Variants in IPO13 observed in about 807,000 individuals in gnomAD.
IPO13 encodes importin-13.
IPO13 carries 28 observed loss-of-function variants against 115.5 expected under a neutral mutation model. That is an observed-to-expected ratio of 0.24 (90% confidence interval 0.18 to 0.33). The LOEUF (loss-of-function observed/expected upper bound fraction) is 0.33, where lower values mean the gene tolerates loss of function less well. Ranked by LOEUF, IPO13 falls within the 10% of genes least tolerant of loss-of-function variation. The pLI, the probability that IPO13 is intolerant of heterozygous loss-of-function variation, is 1.00. For synonymous variants in IPO13, 414 were observed against 478.9 expected (o/e 0.86, Z 1.77); for missense variants, 785 against 1,204.6 (o/e 0.65, Z 5.16).
At chr1:43,955,509 C>A (rs1271053596) in intron 2 of IPO13, among the ~76,000 whole-genome samples, 1 of 152,192 alleles carries the variant, frequency 6.6e-6, no homozygotes, top group Non-Finnish European at 1.5e-5. Flanking sequence ...CCGTCCTTGC[C>A]TCTTCCTAGC....
chr1:43,947,864 T>A (rs1040747775), intron 1 of IPO13, among the ~76,000 whole-genome samples, 180 bp downstream of exon 1: 1 of 152,220 alleles, frequency 6.6e-6, no homozygotes, highest in African/African-American at 2.4e-5. Flanking sequence ...TTTTTGTCTT[T>A]CCTTACAGGC....
intron 2 of IPO13, chr1:43,953,178 T>C (rs1222027835): frequency 2.0e-5 from 3 of 152,234 alleles, no homozygotes; most frequent in Admixed American, 6.5e-5. Flanking sequence ...CCTTGGTTGC[T>C]TAGCAACTCT....
Position 43,966,307 on chromosome 1 carries a change from AC to A in IPO13, c.2398-267del. The A allele has an allele frequency of 1.8e-6, 1 of 560,034 alleles. No homozygotes were observed. The highest frequency in any genetic ancestry group is 3.2e-6 in the Non-Finnish European group (1 of 311,264). 34.7% of individuals were successfully genotyped at this position (560,034 alleles called of 1,614,324 possible). On this transcript the variant is annotated intron_variant, in intron 15 of 19. Transcript: ENST00000372343. The surrounding 1 kb of genome is among the most constrained non-coding windows in gnomAD (Gnocchi z 4.1). ...GGAGGGAAAGGTGTCTGGAACCCAA[AC>A]TTTCTGCATTATGATCCCCACCCCC... is the stretch of plus-strand genomic sequence containing the variant.
In IPO13 at chr1:43,966,409, C is replaced by T; in HGVS notation, c.2398-166C>T. 1.5e-6 allele frequency: 1 copy of T among 678,980 alleles called. No homozygotes were observed. Among genetic ancestry groups the T allele is most frequent in the Non-Finnish European group, 2.7e-6 (1 of 375,846 alleles). 42.1% of individuals were successfully genotyped at this position (678,980 alleles called of 1,614,324 possible). A position where few individuals can be genotyped will look rare whatever the true frequency, so the allele number is the denominator to read the frequency against. ...CATCCCTTGAGCTGTCCTCACCTGA[C>T]CTACTGAACTCTGAGGTGGTCCGGG... On this transcript the variant is annotated intron_variant, in intron 15 of 19. Coordinates refer to ENST00000372343, the MANE Select transcript of IPO13 (RefSeq NM_014652.4). This position sits in a 1 kb window ranked among gnomAD's most constrained non-coding sequence, Gnocchi z 4.1.
Position 43,966,292 on chromosome 1 carries a change from G to C in IPO13, c.2398-283G>C, listed in dbSNP as rs1443635515. 2 of 541,306 alleles carry C rather than the reference G, an allele frequency of 3.7e-6. No individual in the cohort carries two copies. Among genetic ancestry groups the C allele is most frequent in the East Asian group, 3.2e-5 (1 of 31,382 alleles). The allele number at this position is 541,306 out of a possible 1,614,324, so 33.5% of individuals were successfully genotyped here. A position where few individuals can be genotyped will look rare whatever the true frequency, so the allele number is the denominator to read the frequency against. ...GGCCCTGATGGAGGGGGAGGGAAAG[G>C]TGTCTGGAACCCAAACTTTCTGCAT... On this transcript the variant is annotated intron_variant, in intron 15 of 19. Transcript: ENST00000372343. The surrounding 1 kb of genome is among the most constrained non-coding windows in gnomAD (Gnocchi z 4.1).
At chr1:43,957,680 C>A in intron 7 of IPO13, 131 bp downstream of exon 7, 1 of 1,165,018 alleles carries the variant, frequency 8.6e-7, no homozygotes, top group Non-Finnish European at 1.2e-6. Flanking sequence ...TTGTAACAAA[C>A]TGACTGTCCT....
At position 43,966,079 on chromosome 1, in the gene IPO13, T is replaced by C. The variant is rs756184140; in HGVS notation, c.2398-496T>C. ...GGCTCCTGCTGTACTTTTCTTCTTT[T>C]TGAGCAGGAGCTGGAGGGTGCCTCA... On this transcript the variant is annotated intron_variant, in intron 15 of 19. Coordinates refer to ENST00000372343, the MANE Select transcript of IPO13 (RefSeq NM_014652.4). The surrounding 1 kb of genome is among the most constrained non-coding windows in gnomAD (Gnocchi z 4.1). 1.5e-5 allele frequency: 3 copies of C among 193,566 alleles called. No individual in the cohort carries two copies. Among genetic ancestry groups the C allele is most frequent in the Non-Finnish European group, 3.3e-5 (3 of 91,560 alleles). The allele number at this position is 193,566 out of a possible 1,614,324, so 12.0% of individuals were successfully genotyped here. A position where few individuals can be genotyped will look rare whatever the true frequency, so the allele number is the denominator to read the frequency against.
chr1:43,956,482 G>A lies in IPO13; in HGVS notation c.962+22G>A, dbSNP rs552926041. The A allele has an allele frequency of 1.2e-6, 2 of 1,614,150 alleles. No homozygotes were observed. The highest frequency in any genetic ancestry group is 1.7e-6 in the Non-Finnish European group (2 of 1,180,022). On this transcript the variant is annotated intron_variant, in intron 3 of 19. Transcript: ENST00000372343. The surrounding 1 kb of genome is among the most constrained non-coding windows in gnomAD (Gnocchi z 4.7). ...CCCGGTAAAGGGTGGAGCAGCTTGG[G>A]GTGGGATAGTAGGGCCCTCTAAGAA... is the stretch of plus-strand genomic sequence containing the variant.
At position 43,967,544 on chromosome 1, in the gene IPO13, G is replaced by A. The variant is rs2085334679; in HGVS notation, c.2796-42G>A. Reference sequence around the variant, plus strand: ...TGGGGTCAGGCAGAGAGGGGGCAGTGGTGGTGGCTGGTGCTAACCTGCTCT... The same window carrying A: ...TGGGGTCAGGCAGAGAGGGGGCAGTAGTGGTGGCTGGTGCTAACCTGCTCT... On this transcript the variant is annotated intron_variant, in intron 19 of 19. Coordinates refer to ENST00000372343, the MANE Select transcript of IPO13 (RefSeq NM_014652.4). This position sits in a 1 kb window ranked among gnomAD's most constrained non-coding sequence, Gnocchi z 6.1. 1.2e-6 allele frequency: 2 copies of A among 1,614,092 alleles called. No homozygotes were observed. Among genetic ancestry groups the A allele is most frequent in the African/African-American group, 1.3e-5 (1 of 75,064 alleles).
intron 12 of IPO13, 29 bp downstream of exon 12, chr1:43,960,358 C>T (rs1557633987): frequency 1.7e-5 from 27 of 1,583,696 alleles, no homozygotes; most frequent in Non-Finnish European, 2.2e-5. Context: ...CCTCCGCTCC[C>T]ATAGTGACTG....
In IPO13 at chr1:43,958,442, T is replaced by C. The variant is rs780924126; in HGVS notation, c.1750-19T>C. ...AACTAGATGTGGCCAGGACTGACCATCCATGTTCTGCCCCACAGACAAGCC... is the reference window on the plus strand; with the variant it reads ...AACTAGATGTGGCCAGGACTGACCACCCATGTTCTGCCCCACAGACAAGCC... On this transcript the variant is annotated intron_variant, in intron 9 of 19. Transcript: ENST00000372343. The surrounding 1 kb of genome is among the most constrained non-coding windows in gnomAD (Gnocchi z 6.3). 1.9e-6 allele frequency: 3 copies of C among 1,613,874 alleles called. No individual in the cohort carries two copies. The highest frequency in any genetic ancestry group is 2.5e-6 in the Non-Finnish European group (3 of 1,179,966).
chr1:43,948,160 A>C (rs1024239309), intron 1 of IPO13, among the ~76,000 whole-genome samples: 1 of 152,088 alleles, frequency 6.6e-6, no homozygotes, highest in Non-Finnish European at 1.5e-5. Flanking sequence ...CCTTTATTGG[A>C]TGGAAGCCAG....
intron 2 of IPO13, among the ~76,000 whole-genome samples, chr1:43,951,292 G>A (rs1329414773): frequency 2.0e-5 from 3 of 152,238 alleles, no homozygotes; most frequent in Admixed American, 6.5e-5. Context: ...TGAGTGGCAA[G>A]TACAATCAAC....
intron 15 of IPO13, among the ~76,000 whole-genome samples, chr1:43,965,037 T>C (rs1048871592): frequency 5.9e-5 from 9 of 152,108 alleles, no homozygotes; most frequent in Non-Finnish European, 1.2e-4. Context: ...TTTTGTGTTG[T>C]TTGTTGATGT....
chr1:43,957,684 C>A, intron 7 of IPO13, 135 bp downstream of exon 7: 2 of 1,152,816 alleles, frequency 1.7e-6, no homozygotes, highest in Non-Finnish European at 2.5e-6. Flanking sequence ...AACAAACTGA[C>A]TGTCCTGGCA....
rs766729462 is a variant in IPO13 at position 43,961,052 on chromosome 1, T to A, written c.2247+39T>A. Reference sequence around the variant, plus strand: ...TTGGGGCAGAGATCCTGACCCTGGGTGGGGGTGGGTCAGATGGCTGCCGTG... The same window carrying A: ...TTGGGGCAGAGATCCTGACCCTGGGAGGGGGTGGGTCAGATGGCTGCCGTG... On this transcript the variant is annotated intron_variant, in intron 13 of 19. Coordinates refer to ENST00000372343, the MANE Select transcript of IPO13 (RefSeq NM_014652.4). 1.9e-6 allele frequency: 3 copies of A among 1,612,048 alleles called. No homozygotes were observed. The East Asian group carries it at 6.7e-5, about 36-fold the overall frequency.
intron 1 of IPO13, among the ~76,000 whole-genome samples, chr1:43,947,927 C>G (rs536927365): frequency 6.6e-6 from 1 of 152,206 alleles, no homozygotes; most frequent in Non-Finnish European, 1.5e-5. Flanking sequence ...CTTCAGGGTG[C>G]TGTGACTTAG....
chr1:43,961,068 G>A (rs1202463978), intron 13 of IPO13, 55 bp downstream of exon 13: 1 of 1,611,194 alleles, frequency 6.2e-7, no homozygotes, highest in African/African-American at 1.3e-5. Flanking sequence ...TGGGTCAGAT[G>A]GCTGCCGTGG....
intron 15 of IPO13, 32 bp downstream of exon 15, chr1:43,964,353 TTC>T (rs763939660): frequency 1.4e-6 from 2 of 1,451,114 alleles, no homozygotes; most frequent in African/African-American, 1.4e-5. Flanking sequence ...TCACGTTCTG[TTC>T]TCTCTCTTTC....
Sources: gnomAD v4.1 joint callset for allele counts (sites outside exome capture counted in the v4.1 genomes callset) on GRCh38, gnomAD v4.1.1 for gene constraint, Gnocchi (gnomAD v3.1) non-coding constraint, MANE v1.5 for transcripts, NCBI Gene and HGNC (gene_info 2026-07-23, HGNC 2026-07-21) for gene names.